Variants in TTC29 observed in about 807,000 individuals in gnomAD.
TTC29 encodes the protein tetratricopeptide repeat domain 29, also known as tetratricopeptide repeat protein 29.
Under a neutral mutation model 58.1 loss-of-function variants are expected in TTC29, and 49 were observed. The observed-to-expected ratio is 0.84, with a 90% CI of 0.67 to 1.07. The LOEUF (loss-of-function observed/expected upper bound fraction) is 1.07. Among genes scored for constraint, TTC29 ranks in the 50% least tolerant of loss-of-function variants. The probability of loss-of-function intolerance (pLI) is 0.00; values close to 1 mark genes in which losing one functional copy is unlikely to be tolerated. For missense variants in TTC29, 582 were observed against 555.6 expected (o/e 1.05, Z -0.48); for synonymous variants, 209 against 196.8 (o/e 1.06, Z -0.52).
chr4:146,927,550 T>C (rs1197495092), intron 4 of TTC29, among the ~76,000 whole-genome samples: 1 of 152,170 alleles, frequency 6.6e-6, no homozygotes, highest in Non-Finnish European at 1.5e-5. Context: ...ACAATCTATA[T>C]ACTATCTGTA....
intron 6 of TTC29, among the ~76,000 whole-genome samples, chr4:146,880,263 C>T (rs909683525): frequency 1.3e-5 from 2 of 152,084 alleles, no homozygotes; most frequent in Non-Finnish European, 2.9e-5. Context: ...ATAGCCTAAG[C>T]CTCAGTTTTG....
rs779491976 is a variant in TTC29, at chr4:146,939,808, G to C, written c.88C>G (p.Pro30Ala). Residue 30 changes from proline (P) to alanine (A), a missense_variant, in exon 3 of 13, where the codon CCA becomes GCA. Pro to Ala is a conservative substitution (Grantham distance 27, BLOSUM62 -1). Coordinates refer to ENST00000325106, the MANE Select transcript of TTC29 (RefSeq NM_031956.4). ...GTAAAAACCAGGGGCACGTACCTTG[G>C]AATTTTTCTGGAGGAGCAAGGCAGC... ...QKLPCSSRKI[P>A]RSQLIKEKDD... The C allele has an allele frequency of 1.4e-5, 23 of 1,611,360 alleles. No homozygotes were observed. The highest frequency in any genetic ancestry group is 2.0e-5 in the Non-Finnish European group (23 of 1,179,124).
intron 4 of TTC29, among the ~76,000 whole-genome samples, chr4:146,923,490 A>T (rs1314465326): frequency 6.6e-6 from 1 of 151,806 alleles, no homozygotes; most frequent in Non-Finnish European, 1.5e-5. Flanking sequence ...CTCACACATG[A>T]TTAAGAAAAA....
At chr4:146,808,983 A>G (rs1211162910) in intron 10 of TTC29, among the ~76,000 whole-genome samples, 10 of 152,094 alleles carry the variant, frequency 6.6e-5, no homozygotes, top group Middle Eastern at 3.4e-3. Flanking sequence ...CTGACTTCAA[A>G]CTATACTACA....
intron 4 of TTC29, among the ~76,000 whole-genome samples, chr4:146,930,096 T>TATATATATACAC (rs1291505700): frequency 5.1e-5 from 6 of 117,604 alleles, no homozygotes; most frequent in African/African-American, 2.3e-4. Flanking sequence ...TATATATATA[T>TATATATATACAC]ATATATATAT....
chr4:146,807,241 G>A (rs1482876337), intron 10 of TTC29, among the ~76,000 whole-genome samples: 1 of 152,208 alleles, frequency 6.6e-6, no homozygotes, highest in Non-Finnish European at 1.5e-5. Context: ...CTAAAGCAGT[G>A]TGTAGAGAGA....
chr4:146,906,164 A>T (rs34214631), intron 5 of TTC29, among the ~76,000 whole-genome samples: 42,072 of 149,340 alleles, frequency 0.28, 6,323 homozygotes, highest in South Asian at 0.4. Context: ...GATAATATTT[A>T]AAAAAAAAAA....
At chr4:146,923,082 T>C (rs1003030577) in intron 4 of TTC29, among the ~76,000 whole-genome samples, 1 of 151,766 alleles carries the variant, frequency 6.6e-6, no homozygotes, top group Non-Finnish European at 1.5e-5. Context: ...AAAAAATTAT[T>C]TAGTCAATTT....
At chr4:146,894,465 G>A (rs1399497902) in intron 6 of TTC29, among the ~76,000 whole-genome samples, 1 of 149,088 alleles carries the variant, frequency 6.7e-6, no homozygotes, top group East Asian at 2.0e-4. Context: ...TCACTCATAG[G>A]TGGGAATTGA....
intron 6 of TTC29, among the ~76,000 whole-genome samples, chr4:146,881,841 T>A (rs1363121154): frequency 6.6e-6 from 1 of 152,082 alleles, no homozygotes; most frequent in Non-Finnish European, 1.5e-5. Flanking sequence ...TTTTGTTCTG[T>A]AACTCAATAG....
intron 6 of TTC29, among the ~76,000 whole-genome samples, chr4:146,895,334 A>C (rs945171717): frequency 6.6e-6 from 1 of 152,168 alleles, no homozygotes; most frequent in Non-Finnish European, 1.5e-5. Context: ...TCCCAATCCC[A>C]AGATCCATGA....
intron 8 of TTC29, among the ~76,000 whole-genome samples, chr4:146,835,353 G>C (rs188051063): frequency 1.2e-3 from 183 of 152,180 alleles, no homozygotes; most frequent in Non-Finnish European, 2.2e-3. Flanking sequence ...AGACCTTTCT[G>C]AGTTAAAGGG....
chr4:146,882,554 A>G (rs2150234662), intron 6 of TTC29, among the ~76,000 whole-genome samples: 1 of 152,254 alleles, frequency 6.6e-6, no homozygotes. Context: ...AAATAAAGTT[A>G]ATATTGACAT....
At chr4:146,728,847 G>A (rs1579539559) in intron 11 of TTC29, among the ~76,000 whole-genome samples, 4 of 68,642 alleles carry the variant, frequency 5.8e-5, no homozygotes, top group East Asian at 4.6e-4. Flanking sequence ...ACATATATAT[G>A]TATATATATA....
intron 4 of TTC29, among the ~76,000 whole-genome samples, chr4:146,937,140 A>T (rs73855086): frequency 0.075 from 11,389 of 152,074 alleles, 1,453 homozygotes; most frequent in African/African-American, 0.26. Flanking sequence ...ATTATTTAAA[A>T]ATTAACCAAT....
chr4:146,804,134 A>C (rs1247129972), intron 10 of TTC29, among the ~76,000 whole-genome samples: 1 of 152,140 alleles, frequency 6.6e-6, no homozygotes, highest in African/African-American at 2.4e-5. Context: ...TCACCTGGGA[A>C]GTGCAAGGGG....
intron 4 of TTC29, among the ~76,000 whole-genome samples, chr4:146,936,731 G>A (rs568749265): frequency 1.3e-5 from 2 of 152,120 alleles, no homozygotes; most frequent in South Asian, 4.1e-4. Flanking sequence ...AAGAGACTTA[G>A]AACTTTAGAA....
chr4:146,922,006 C>G (rs1266340486), intron 4 of TTC29, among the ~76,000 whole-genome samples: 1 of 82,088 alleles, frequency 1.2e-5, no homozygotes, highest in Non-Finnish European at 2.7e-5. Context: ...AATCCTGGAT[C>G]CCCTACAAAA....
At chr4:146,833,091 C>T (rs535520353) in intron 9 of TTC29, among the ~76,000 whole-genome samples, 128 of 152,208 alleles carry the variant, frequency 8.4e-4, no homozygotes, top group African/African-American at 2.7e-3. Flanking sequence ...GTTACTGCAA[C>T]CAACATTACT....
Sources: gnomAD v4.1 joint callset for allele counts (sites outside exome capture counted in the v4.1 genomes callset) on GRCh38, gnomAD v4.1.1 for gene constraint, MANE v1.5 for transcripts, NCBI Gene and HGNC (gene_info 2026-07-23, HGNC 2026-07-21) for gene names.